Variants in MYH3 observed in about 807,000 individuals in gnomAD.
MYH3 encodes myosin-3.
MYH3 carries 130 observed loss-of-function variants against 238.0 expected under a neutral mutation model. The ratio of observed to expected loss-of-function variants is 0.55; its 90% CI spans 0.47 to 0.63. MYH3 has a LOEUF of 0.63. Ranked by LOEUF, MYH3 falls within the 30% of genes least tolerant of loss-of-function variation. The pLI, the probability that MYH3 is intolerant of heterozygous loss-of-function variation, is 0.00. For synonymous variants in MYH3, 880 were observed against 924.1 expected, an observed-to-expected ratio of 0.95 and a Z score of 0.86; for missense variants, 1,853 against 2,374.9, an observed-to-expected ratio of 0.78 and a Z score of 4.57.
intron 19 of MYH3, 116 bp from the exon 20 acceptor site, chr17:10,640,802 G>T: frequency 1.5e-6 from 2 of 1,339,148 alleles, no homozygotes; most frequent in South Asian, 2.5e-5. Flanking sequence ...AGGAGATGAG[G>T]GAACTAGCTC....
At chr17:10,640,926 A>C (rs1249659022) in intron 19 of MYH3, among the ~76,000 whole-genome samples, 159 bp downstream of exon 19, 1 of 152,258 alleles carries the variant, frequency 6.6e-6, no homozygotes. Context: ...TGGAAGAAAC[A>C]AATATATATA....
chr17:10,629,787 TCA>T, intron 39 of MYH3, 53 bp from the exon 40 acceptor site: 1 of 1,614,130 alleles, frequency 6.2e-7, no homozygotes, highest in Non-Finnish European at 8.5e-7. Flanking sequence ...CTCTCAGAAC[TCA>T]CCACGGGAAA....
In MYH3 at chr17:10,634,760, G is replaced by A. The variant is rs991375216; in HGVS notation, c.4356+80C>T. The A allele has an allele frequency of 1.0e-5, 16 of 1,562,420 alleles. No homozygotes were observed. The East Asian group carries it at 2.0e-4, about 20-fold the overall frequency. On this transcript the variant is annotated intron_variant, in intron 31 of 40. Transcript: ENST00000583535. ...TGCTGGTGAGGGCAGAGTCAGGTCC[G>A]GGATGCATTCTCCTCCTTCCACGGC...
In MYH3 at chr17:10,629,870, T is replaced by C; in HGVS notation, c.5630A>G (p.Lys1877Arg). 6.2e-7 allele frequency: 1 copy of C among 1,614,114 alleles called. No homozygotes were observed. The highest frequency in any genetic ancestry group is 2.2e-5 in the East Asian group (1 of 44,860). Residue 1877 changes from lysine (K) to arginine (R), a missense_variant, in exon 39 of 41, where the codon AAG becomes AGG. By Grantham distance (26) the Lys-to-Arg change is conservative (BLOSUM62 2). Coordinates refer to ENST00000583535, the MANE Select transcript of MYH3 (RefSeq NM_002470.4). ...DLVDKLQVKV[K>R]SYKRQAEEAD... The stretch of plus-strand genomic sequence containing the variant: ...CTCCTCCGCCTGCCTCTTGTAGGAC[T>C]TGACTTTCACTTGCAGTTTATCCAC...
Position 10,629,638 on chromosome 17 carries a change from T to A in MYH3, c.5755A>T (p.Asn1919Tyr). The change falls in exon 40 of 41, where the codon AAC (asparagine) becomes TAC (tyrosine). Residue 1919 changes from asparagine (N) to tyrosine (Y), a missense_variant. Physicochemically the swap from Asn to Tyr is moderately radical, Grantham distance 143. Coordinates refer to ENST00000583535, the MANE Select transcript of MYH3 (RefSeq NM_002470.4). ...TCTCGAGTCTTAGCGCGGAGCTTGT[T>A]GACTTGAGATTCTGCGATATCCGCA... ...ERADIAESQV[N>Y]KLRAKTRDFT... The A allele has an allele frequency of 6.2e-7, 1 of 1,614,114 alleles. No homozygotes were observed. Among genetic ancestry groups the A allele is most frequent in the Non-Finnish European group, 8.5e-7 (1 of 1,180,046 alleles).
At chr17:10,635,051 G>T in intron 30 of MYH3, 28 bp from the exon 31 acceptor site, 2 of 1,605,068 alleles carry the variant, frequency 1.2e-6, no homozygotes, top group African/African-American at 2.7e-5. Flanking sequence ...AGAAGCAGCT[G>T]TTATTTCAGT....
At chr17:10,650,268 G>T (rs920158730) in intron 6 of MYH3, 106 bp downstream of exon 6, 3 of 1,195,262 alleles carry the variant, frequency 2.5e-6, no homozygotes, top group Non-Finnish European at 3.7e-6. Flanking sequence ...CAGCCACCGC[G>T]CCCAGCCTGA....
chr17:10,652,421 T>C lies in MYH3; in HGVS notation c.347A>G (p.Tyr116Cys), dbSNP rs147024680. The change falls in exon 4 of 41, where the codon TAT becomes TGT. Residue 116 changes from tyrosine to cysteine, a missense_variant and splice_region_variant. Coordinates refer to ENST00000583535, the MANE Select transcript of MYH3 (RefSeq NM_002470.4). The stretch of plus-strand genomic sequence containing the variant: ...ACCACGTCGAAAGCCCTCGCTGACA[T>C]AGATCATCCAAGATGTGTAACGGTC... ...LKDRYTSWMI[Y>C]TYSGLFCVTV... The C allele has an allele frequency of 6.2e-5, 100 of 1,613,828 alleles. No individual in the cohort carries two copies. The highest frequency in any genetic ancestry group is 7.8e-5 in the Non-Finnish European group (92 of 1,179,974).
At chr17:10,640,943 C>T in intron 19 of MYH3, 142 bp downstream of exon 19, 1 of 891,972 alleles carries the variant, frequency 1.1e-6, no homozygotes. Flanking sequence ...TATAACTTGG[C>T]CAAATGGTAG....
Position 10,639,548 on chromosome 17 carries a change from C to A in MYH3, c.2925+12G>T. ...GACTATATCAAGCTAGACACACCTA[C>A]AATAAGAATACCTTGTTCTCTGTGG... On this transcript the variant is annotated intron_variant, in intron 23 of 40. Transcript: ENST00000583535. The A allele has an allele frequency of 6.2e-7, 1 of 1,614,130 alleles. No individual in the cohort carries two copies. Among genetic ancestry groups the A allele is most frequent in the East Asian group, 2.2e-5 (1 of 44,888 alleles).
the MYH3 span, chr17:10,674,518 G>T: frequency 4.3e-6 from 1 of 233,922 alleles, no homozygotes; most frequent in Non-Finnish European, 8.6e-6. Flanking sequence ...AAGTACCCCA[G>T]TGGTGTGACA....
the MYH3 span, among the ~76,000 whole-genome samples, chr17:10,663,481 A>G: frequency 3.9e-5 from 6 of 152,198 alleles, no homozygotes; most frequent in Admixed American, 3.9e-4. Flanking sequence ...AGGCATCCTC[A>G]GCAAGGGGAC....
At chr17:10,665,516 C>T in the MYH3 span, among the ~76,000 whole-genome samples, 2 of 152,008 alleles carry the variant, frequency 1.3e-5, no homozygotes, top group Non-Finnish European at 2.9e-5. Context: ...TAGAATCACC[C>T]GAAGAGCTGT....
upstream of MYH3, among the ~76,000 whole-genome samples, chr17:10,661,372 A>G (rs1372331546): frequency 6.6e-6 from 1 of 151,070 alleles, no homozygotes; most frequent in Non-Finnish European, 1.5e-5. Flanking sequence ...GCTTCAAGAG[A>G]TAGCTTCAGG....
In MYH3 at chr17:10,632,769, C is replaced by T; in HGVS notation, c.4663G>A (p.Glu1555Lys). The change falls in exon 34 of 41, where the codon GAA becomes AAA. Residue 1555 changes from glutamate (E) to lysine (K), a missense_variant. Physicochemically the swap from Glu to Lys is moderately conservative, Grantham distance 56. Around this residue, in one of 3 missense-constraint regions of MYH3, gnomAD observed 1,044 missense variants for 1,192.6 expected, o/e 0.88. Transcript: ENST00000583535. ...TGGATTCGGAGGATCTTGGCTTCTT[C>T]ATGCTCAAGAGCAGCCTTTAAGAAA... Reference protein sequence around the residue: ...LEEAEAALEHEEAKILRIQLE... With the variant: ...LEEAEAALEHKEAKILRIQLE... 1.2e-6 allele frequency: 2 copies of T among 1,614,256 alleles called. No individual in the cohort carries two copies. Among genetic ancestry groups the T allele is most frequent in the Non-Finnish European group, 1.7e-6 (2 of 1,180,046 alleles).
intron 6 of MYH3, among the ~76,000 whole-genome samples, chr17:10,650,010 T>C (rs1301449134): frequency 6.6e-6 from 1 of 152,182 alleles, no homozygotes; most frequent in Non-Finnish European, 1.5e-5. Flanking sequence ...CTCACTCTGC[T>C]GCCCAGGCTG....
chr17:10,648,870 T>C (rs1173601517), intron 7 of MYH3, among the ~76,000 whole-genome samples: 3 of 152,052 alleles, frequency 2.0e-5, no homozygotes, highest in South Asian at 4.2e-4. Flanking sequence ...AGATGGGGTT[T>C]CTCCATATTG....
rs886052578 is a variant in MYH3, at chr17:10,629,724, G to T, written c.5669C>A (p.Ala1890Asp). The change falls in exon 40 of 41, where the codon GCC becomes GAC. Residue 1890 changes from alanine (A) to aspartate (D), a missense_variant. Around this residue, in one of 3 missense-constraint regions of MYH3, gnomAD observed 1,044 missense variants for 1,192.6 expected, o/e 0.88. Coordinates refer to ENST00000583535, the MANE Select transcript of MYH3 (RefSeq NM_002470.4). ...TCGGAATTTGGTGAGATGAGCATTG[G>T]CTTGTTCATCCTAAAACCAAAGAGC... is the stretch of plus-strand genomic sequence containing the variant. ...KRQAEEADEQ[A>D]NAHLTKFRKA... The T allele has an allele frequency of 6.2e-7, 1 of 1,614,072 alleles. No homozygotes were observed. The highest frequency in any genetic ancestry group is 8.5e-7 in the Non-Finnish European group (1 of 1,180,050).
chr17:10,665,650 T>C, the MYH3 span, among the ~76,000 whole-genome samples: 1 of 152,186 alleles, frequency 6.6e-6, no homozygotes, highest in Non-Finnish European at 1.5e-5. Context: ...AAAGTAGATA[T>C]TCCTTGCTTT....
Sources: allele counts gnomAD v4.1 joint callset (sites outside exome capture counted in the v4.1 genomes callset), GRCh38; gene constraint gnomAD v4.1.1; regional missense constraint gnomAD v4.1.1; transcripts MANE v1.5; gene names NCBI Gene and HGNC (gene_info 2026-07-23, HGNC 2026-07-21).